CYB561A3: variants seen among roughly 807,000 people sequenced by gnomAD.
The protein encoded by CYB561A3 is cytochrome b561 family member A3.
CYB561A3 carries 16 observed loss-of-function variants against 25.3 expected under a neutral mutation model. That is an observed-to-expected ratio of 0.63 (90% confidence interval 0.43 to 0.96). The LOEUF (loss-of-function observed/expected upper bound fraction) is 0.96. Among genes scored for constraint, CYB561A3 ranks in the 40% least tolerant of loss-of-function variants. CYB561A3 has a pLI of 0.00. For missense variants in CYB561A3, 219 were observed against 307.5 expected, an observed-to-expected ratio of 0.71 and a Z score of 2.15; for synonymous variants, 131 against 129.9, an observed-to-expected ratio of 1.01 and a Z score of -0.06.
chr11:61,360,642 G>A (rs1184686529), intron 1 of CYB561A3: 1 of 152,182 alleles, frequency 6.6e-6, no homozygotes, highest in African/African-American at 2.4e-5. Context: ...ACATCCAGGG[G>A]TAAGAAATGC....
At position 61,356,639 on chromosome 11, in the gene CYB561A3, G is replaced by GA; in HGVS notation, c.74dup (p.Tyr26LeufsTer151). Reference sequence around the variant, plus strand: ...CACCACGCCAGTACTGCATCCAGTAGATAGTGAAGAGGATGCACATAGAGC... The same window carrying GA: ...CACCACGCCAGTACTGCATCCAGTAGAATAGTGAAGAGGATGCACATAGAGC... On this transcript the variant is annotated frameshift_variant, in exon 3 of 7. Coordinates refer to ENST00000294072, the MANE Select transcript of CYB561A3 (RefSeq NM_153611.6). LOFTEE classifies it high-confidence loss of function. 9 of 1,614,226 alleles carry GA rather than the reference G, an allele frequency of 5.6e-6. No individual in the cohort carries two copies. Among genetic ancestry groups the GA allele is most frequent in the Non-Finnish European group, 7.6e-6 (9 of 1,180,044 alleles).
intron 3 of CYB561A3, among the ~76,000 whole-genome samples, chr11:61,355,461 C>T (rs1857614242): frequency 6.6e-6 from 1 of 151,844 alleles, no homozygotes. Flanking sequence ...GGGTGGATCA[C>T]CTGAGGTCAG....
chr11:61,360,797 G>T (rs1373993150), intron 1 of CYB561A3: 1 of 151,858 alleles, frequency 6.6e-6, no homozygotes, highest in East Asian at 1.9e-4. Context: ...GACCAACATG[G>T]AGAAACCCCG....
chr11:61,351,098 C>G lies in CYB561A3; in HGVS notation c.598G>C (p.Ala200Pro), dbSNP rs764758456. ...YHSLPSEAVFANSTGMLVVAF... is the reference protein window; with the variant it reads ...YHSLPSEAVFPNSTGMLVVAF... Reference sequence around the variant, plus strand: ...ACCACCAGCATCCCGGTGCTGTTGGCAAAGACCGCCTCACTGGGCAGGCTG... The same window carrying G: ...ACCACCAGCATCCCGGTGCTGTTGGGAAAGACCGCCTCACTGGGCAGGCTG... Residue 200 changes from alanine (A) to proline (P), a missense_variant, in exon 6 of 7, where the codon GCC becomes CCC. Physicochemically the swap from Ala to Pro is conservative, Grantham distance 27. Transcript: ENST00000294072. 1 of 1,613,854 alleles carries G rather than the reference C, an allele frequency of 6.2e-7. No homozygotes were observed. Among genetic ancestry groups the G allele is most frequent in the South Asian group, 1.1e-5 (1 of 91,038 alleles).
intron 6 of CYB561A3, 143 bp downstream of exon 6, chr11:61,350,848 C>T: frequency 1.6e-6 from 2 of 1,235,510 alleles, no homozygotes; most frequent in Non-Finnish European, 2.2e-6. Context: ...TCCCCATCAG[C>T]CACCCTAACT....
Position 61,349,294 on chromosome 11 carries a change from C to T in CYB561A3, c.*1105G>A. The stretch of plus-strand genomic sequence containing the variant: ...TGGGGCCAGGTGAAGCAATGTGGGT[C>T]TCAGCAAGGAACCCCTCTGAAGGTG... On this transcript the variant is annotated 3_prime_UTR_variant, in exon 7 of 7. Coordinates refer to ENST00000294072, the MANE Select transcript of CYB561A3 (RefSeq NM_153611.6). 2.1e-6 allele frequency: 1 copy of T among 470,860 alleles called. No individual in the cohort carries two copies. Among genetic ancestry groups the T allele is most frequent in the South Asian group, 2.2e-5 (1 of 44,864 alleles). 29.2% of individuals were successfully genotyped at this position (470,860 alleles called of 1,614,324 possible).
upstream of CYB561A3, chr11:61,362,202 T>A (rs893149109): frequency 6.6e-6 from 1 of 152,254 alleles, no homozygotes; most frequent in African/African-American, 2.4e-5. Flanking sequence ...CTAAGTCAGC[T>A]AGCGGCGACG....
At position 61,357,726 on chromosome 11, in the gene CYB561A3, T is replaced by C. The variant is rs1857699289; in HGVS notation, c.-16+7A>G. 1 of 160,410 alleles carries C rather than the reference T, an allele frequency of 6.2e-6. No individual in the cohort carries two copies. The highest frequency in any genetic ancestry group is 1.4e-5 in the Non-Finnish European group (1 of 72,502). 9.9% of individuals were successfully genotyped at this position (160,410 alleles called of 1,614,324 possible). A position where few individuals can be genotyped will look rare whatever the true frequency, so the allele number is the denominator to read the frequency against. ...CCCCCACGGAGGTAAAACATTTGACTGCTCACCTTTAGCCCTAATGATAGG... is the reference window on the plus strand; with the variant it reads ...CCCCCACGGAGGTAAAACATTTGACCGCTCACCTTTAGCCCTAATGATAGG... On this transcript the variant is annotated splice_region_variant and intron_variant, in intron 2 of 6. Transcript: ENST00000294072.
Position 61,349,766 on chromosome 11 carries a change from G to A in CYB561A3, c.*633C>T, listed in dbSNP as rs555260280. On this transcript the variant is annotated 3_prime_UTR_variant, in exon 7 of 7. Coordinates refer to ENST00000294072, the MANE Select transcript of CYB561A3 (RefSeq NM_153611.6). ...GCGTGGGCCGCCACTCCCCCTTTCT[G>A]CAATCACCCCATGATGTCTCCACCC... 2.9e-5 allele frequency: 19 copies of A among 652,636 alleles called. No homozygotes were observed. The highest frequency in any genetic ancestry group is 2.2e-4 in the South Asian group (13 of 60,216). The allele number at this position is 652,636 out of a possible 1,614,324, so 40.4% of individuals were successfully genotyped here.
At chr11:61,350,674 A>T in intron 6 of CYB561A3, 1 of 599,996 alleles carries the variant, frequency 1.7e-6, no homozygotes, top group Non-Finnish European at 2.9e-6. Flanking sequence ...GGTAAAGGAG[A>T]AATCACACAC....
rs1428962541 is a variant in CYB561A3 at position 61,361,880 on chromosome 11, A to C, written c.-259T>G. ...CAGCCGGCTGGCAATGCCGCCCCAG[A>C]GCAGAGCGGCGGGTGCCGCCTCGCC... is the stretch of plus-strand genomic sequence containing the variant. On this transcript the variant is annotated 5_prime_UTR_variant, in exon 1 of 7. Transcript: ENST00000294072. 3 of 152,314 alleles carry C rather than the reference A, an allele frequency of 2.0e-5. No homozygotes were observed. Among genetic ancestry groups the C allele is most frequent in the African/African-American group, 7.2e-5 (3 of 41,466 alleles). The allele number at this position is 152,314 out of a possible 1,614,324, so 9.4% of individuals were successfully genotyped here. A position where few individuals can be genotyped will look rare whatever the true frequency, so the allele number is the denominator to read the frequency against.
chr11:61,359,860 A>T (rs555725732), intron 1 of CYB561A3: 1 of 152,312 alleles, frequency 6.6e-6, no homozygotes, highest in South Asian at 2.1e-4. Context: ...GTCTCTACTA[A>T]AAATACAAAA....
rs748323589 is a variant in CYB561A3 at position 61,350,441 on chromosome 11, G to A, written c.706-19C>T. On this transcript the variant is annotated intron_variant, in intron 6 of 6. Transcript: ENST00000294072. ...GCAGGGGCTGGAAAGAGAGGCAGAT[G>A]CCCAGGAGTTAATGACATGATGCAG... 2.5e-6 allele frequency: 4 copies of A among 1,610,880 alleles called. No individual in the cohort carries two copies. The highest frequency in any genetic ancestry group is 2.2e-5 in the South Asian group (2 of 90,178).
intron 3 of CYB561A3, chr11:61,354,332 G>A (rs1005652502): frequency 1.7e-5 from 5 of 293,970 alleles, no homozygotes; most frequent in Non-Finnish European, 3.2e-5. Flanking sequence ...AATCTAGCCT[G>A]GGCCACAGAG....
At position 61,357,154 on chromosome 11, in the gene CYB561A3, TAAG is replaced by T. The variant is rs758399713; in HGVS notation, c.-15-429_-15-427del. 6.5e-6 allele frequency: 10 copies of T among 1,548,992 alleles called. No individual in the cohort carries two copies. In the South Asian group the frequency reaches 8.3e-5, roughly 13 times the overall value. On this transcript the variant is annotated intron_variant, in intron 2 of 6. Transcript: ENST00000294072. ...AACACCCAGGCCTTGGGTTCTAAGA[TAAG>T]AAGGCAAAAATTACAGTCTGAAAAG...
rs557804415 is a variant in CYB561A3, at chr11:61,349,988, T to A, written c.*411A>T. 4.1e-5 allele frequency: 19 copies of A among 465,576 alleles called. No individual in the cohort carries two copies. The East Asian group carries it at 4.8e-4, about 12-fold the overall frequency. The allele number at this position is 465,576 out of a possible 1,614,324, so 28.8% of individuals were successfully genotyped here. On this transcript the variant is annotated 3_prime_UTR_variant, in exon 7 of 7. Coordinates refer to ENST00000294072, the MANE Select transcript of CYB561A3 (RefSeq NM_153611.6). ...AGTCTTAAGAGGAAATCAGTCTGAT[T>A]TCTTCAGACAGGAGCAGCAAGAGCG...
rs1446509138 is a variant in CYB561A3, at chr11:61,357,728, C to T, written c.-16+5G>A. The T allele has an allele frequency of 6.2e-6, 1 of 160,372 alleles. No individual in the cohort carries two copies. The highest frequency in any genetic ancestry group is 2.4e-5 in the African/African-American group (1 of 41,478). The allele number at this position is 160,372 out of a possible 1,614,324, so 9.9% of individuals were successfully genotyped here. A position where few individuals can be genotyped will look rare whatever the true frequency, so the allele number is the denominator to read the frequency against. The stretch of plus-strand genomic sequence containing the variant: ...CCCACGGAGGTAAAACATTTGACTG[C>T]TCACCTTTAGCCCTAATGATAGGCT... On this transcript the variant is annotated splice_donor_5th_base_variant and intron_variant, in intron 2 of 6. Transcript: ENST00000294072.
intron 2 of CYB561A3, chr11:61,357,322 C>T (rs960409706): frequency 5.7e-6 from 7 of 1,229,500 alleles, no homozygotes; most frequent in Admixed American, 4.8e-5. Context: ...CTTGAACCAG[C>T]TGATGCCCCT....
rs531154133 is a variant in CYB561A3 at position 61,361,806 on chromosome 11, C to G, written c.-185G>C. On this transcript the variant is annotated 5_prime_UTR_variant, in exon 1 of 7. Transcript: ENST00000294072. ...TCTCGCTACCAGGCGCCGGAGCTGCCGCTCCCGAGGTTCCTAGGAGATGCA... is the reference window on the plus strand; with the variant it reads ...TCTCGCTACCAGGCGCCGGAGCTGCGGCTCCCGAGGTTCCTAGGAGATGCA... 6.6e-6 allele frequency: 1 copy of G among 152,308 alleles called. No individual in the cohort carries two copies. The highest frequency in any genetic ancestry group is 1.9e-4 in the East Asian group (1 of 5,196). 9.4% of individuals were successfully genotyped at this position (152,308 alleles called of 1,614,324 possible). A position where few individuals can be genotyped will look rare whatever the true frequency, so the allele number is the denominator to read the frequency against.
Sources: allele counts gnomAD v4.1 joint callset (sites outside exome capture counted in the v4.1 genomes callset), GRCh38; gene constraint gnomAD v4.1.1; transcripts MANE v1.5; gene names NCBI Gene and HGNC (gene_info 2026-07-23, HGNC 2026-07-21).